The following CACNA1C variants were observed in gnomAD, a reference collection of about 807,000 sequenced individuals.
CACNA1C encodes calcium voltage-gated channel subunit alpha1 C.
In CACNA1C, 30 loss-of-function variants were observed where a neutral mutation model predicts 229.0. The observed-to-expected ratio is 0.13, with a 90% CI of 0.10 to 0.18. The LOEUF (loss-of-function observed/expected upper bound fraction) is 0.18, where lower values mean the gene tolerates loss of function less well. Among genes scored for constraint, CACNA1C ranks in the 10% least tolerant of loss-of-function variants. The pLI is 1.00. For missense variants in CACNA1C, 1,658 were observed against 2,845.0 expected, an observed-to-expected ratio of 0.58 and a Z score of 9.49; for synonymous variants, 1,114 against 1,132.5, an observed-to-expected ratio of 0.98 and a Z score of 0.33.
At position 2,605,171 on chromosome 12, in the gene CACNA1C, G is replaced by A. The variant is rs779548719; in HGVS notation, c.3048+3G>A. On this transcript the variant is annotated splice_donor_region_variant and intron_variant, in intron 23 of 46. Transcript: ENST00000399655. This position sits in a 1 kb window ranked among gnomAD's most constrained non-coding sequence, Gnocchi z 6.2. The stretch of plus-strand genomic sequence containing the variant: ...TCAACAGGGCCAAGGGGCTAAAGGT[G>A]AGTTGAGGGCTTGGGTAGGGAGTCT... 3.1e-6 allele frequency: 5 copies of A among 1,604,458 alleles called. No homozygotes were observed. The highest frequency in any genetic ancestry group is 1.7e-4 in the Middle Eastern group (1 of 6,048).
chr12:2,078,905 A>T (rs181872575), intron 1 of CACNA1C, among the ~76,000 whole-genome samples: 3 of 152,140 alleles, frequency 2.0e-5, no homozygotes, highest in Admixed American at 1.3e-4. Flanking sequence ...ATAGACTGGA[A>T]TAAGAAAATG....
chr12:2,487,520 A>G (rs951355270), intron 6 of CACNA1C, among the ~76,000 whole-genome samples: 2 of 150,674 alleles, frequency 1.3e-5, no homozygotes, highest in Admixed American at 6.6e-5. Context: ...CCTAAAAACA[A>G]AACAAAACAA....
intron 1 of CACNA1C, chr12:2,004,463 T>G (rs2042976766): frequency 6.3e-7 from 1 of 1,584,832 alleles, no homozygotes; most frequent in Admixed American, 1.7e-5. Context: ...GGCACGGGGC[T>G]CTTGGAAGCC....
In CACNA1C at chr12:1,981,198, T is replaced by C. The variant is rs147450551; in HGVS notation, c.139+9997T>C. On this transcript the variant is annotated intron_variant, in intron 1 of 46. Coordinates refer to the CACNA1C transcript ENST00000682462. Reference sequence around the variant, plus strand: ...TAACCTTGAGAAGCTGAGCGGCTCCTAGGTAAGCTGCTAAAATCACTCACT... The same window carrying C: ...TAACCTTGAGAAGCTGAGCGGCTCCCAGGTAAGCTGCTAAAATCACTCACT... Among the ~76,000 whole-genome samples, 279 of 152,268 alleles carry C rather than the reference T, an allele frequency of 1.8e-3. 4 individuals are homozygous for C. In the East Asian group the frequency reaches 0.043, roughly 24 times the overall value.
rs57075398 is a variant in CACNA1C at position 2,356,203 on chromosome 12, G to A, written c.478-92773G>A. Among the ~76,000 whole-genome samples, 1,386 of 152,328 alleles carry A rather than the reference G, an allele frequency of 9.1e-3. 23 individuals carry two copies. Among genetic ancestry groups the A allele is most frequent in the African/African-American group, 0.032 (1,334 of 41,562 alleles). On this transcript the variant is annotated intron_variant, in intron 3 of 46. Coordinates refer to ENST00000399655, the MANE Select transcript of CACNA1C (RefSeq NM_000719.7). ...CTCCGTGACCTAGACTGGGGACTTA[G>A]GGATGAGAGTGAAAATTGAAAATGC...
At position 2,637,961 on chromosome 12, in the gene CACNA1C, T is replaced by C. The variant is rs113232156; in HGVS notation, c.3912+3581T>C. 6.7e-3 allele frequency among the ~76,000 whole-genome samples: 1,026 copies of C among 152,298 alleles called. 15 individuals are homozygous for C. The highest frequency in any genetic ancestry group is 0.023 in the African/African-American group (941 of 41,558). On this transcript the variant is annotated intron_variant, in intron 30 of 46. Transcript: ENST00000399655. ...TAAACTCGTCTCACCTTTTCTCTTT[T>C]CCGGGCTATGGGGCCCTCCCTCTCA...
intron 34 of CACNA1C, 72 bp from the exon 35 acceptor site, chr12:2,664,753 G>A (rs2095980841): frequency 7.7e-7 from 1 of 1,300,556 alleles, no homozygotes; most frequent in South Asian, 1.5e-5. Context: ...GGACAGGTGG[G>A]GAGGGATGCA....
rs1338191809 is a variant in CACNA1C at position 2,679,858 on chromosome 12, G to A, written c.5444+62G>A. On this transcript the variant is annotated intron_variant, in intron 42 of 46. Transcript: ENST00000399655. The surrounding 1 kb of genome is among the most constrained non-coding windows in gnomAD (Gnocchi z 5.5). ...GGCCCACGTGCTGCAACCCTCAGGA[G>A]ACAGTGGAGGAGACGGAGGCCTCGG... 1 of 1,220,614 alleles carries A rather than the reference G, an allele frequency of 8.2e-7. No homozygotes were observed. Among genetic ancestry groups the A allele is most frequent in the Non-Finnish European group, 1.1e-6 (1 of 876,232 alleles). The allele number at this position is 1,220,614 out of a possible 1,614,324, so 75.6% of individuals were successfully genotyped here.
intron 3 of CACNA1C, among the ~76,000 whole-genome samples, chr12:2,329,055 A>C (rs975169677): frequency 6.6e-6 from 1 of 152,118 alleles, no homozygotes; most frequent in Non-Finnish European, 1.5e-5. Context: ...TTTGCTGTGG[A>C]TGCCTCCTGG....
At chr12:2,213,944 C>G (rs929638076) in intron 3 of CACNA1C, among the ~76,000 whole-genome samples, 1 of 151,134 alleles carries the variant, frequency 6.6e-6, no homozygotes, top group Non-Finnish European at 1.5e-5. Flanking sequence ...AGCACCTTCT[C>G]TGCAGTTGAT....
intron 5 of CACNA1C, among the ~76,000 whole-genome samples, chr12:2,469,712 C>T (rs1464566438): frequency 1.1e-4 from 17 of 152,216 alleles, no homozygotes; most frequent in Admixed American, 7.2e-4. Context: ...ATAATGCCTT[C>T]TTCAGGCTGT....
intron 5 of CACNA1C, among the ~76,000 whole-genome samples, chr12:2,469,682 T>C (rs890056225): frequency 6.6e-6 from 1 of 152,260 alleles, no homozygotes; most frequent in African/African-American, 2.4e-5. Context: ...ATCAACTGCA[T>C]TGAGGAGACA....
At chr12:2,427,871 C>T (rs563045406) in intron 3 of CACNA1C, among the ~76,000 whole-genome samples, 4 of 152,228 alleles carry the variant, frequency 2.6e-5, no homozygotes, top group Admixed American at 1.3e-4. Context: ...CTGCCCATCT[C>T]GGCCTCCCAA....
At chr12:2,198,215 C>T (rs1162755595) in intron 3 of CACNA1C, among the ~76,000 whole-genome samples, 2 of 152,184 alleles carry the variant, frequency 1.3e-5, no homozygotes, top group Admixed American at 1.3e-4. Flanking sequence ...GTGCCTTCGT[C>T]CTTTAAGACA....
intron 3 of CACNA1C, among the ~76,000 whole-genome samples, chr12:2,373,502 C>T (rs2097925968): frequency 6.6e-6 from 1 of 152,088 alleles, no homozygotes; most frequent in Non-Finnish European, 1.5e-5. Flanking sequence ...CTGGGACAAG[C>T]TAGAGAGAGG....
intron 1 of CACNA1C, among the ~76,000 whole-genome samples, chr12:1,977,206 C>T (rs1443352022): frequency 1.3e-5 from 2 of 152,140 alleles, no homozygotes; most frequent in Non-Finnish European, 2.9e-5. Flanking sequence ...GCTTTTATTC[C>T]TCCATGTAGC....
chr12:2,373,704 A>G (rs2097934241), intron 3 of CACNA1C, among the ~76,000 whole-genome samples: 1 of 152,196 alleles, frequency 6.6e-6, no homozygotes, highest in Admixed American at 6.5e-5. Flanking sequence ...TTATATTCGT[A>G]TTTATGAGTT....
chr12:2,438,287 A>ATGTTGG (rs1169158314), intron 3 of CACNA1C, among the ~76,000 whole-genome samples: 1 of 22,568 alleles, frequency 4.4e-5, no homozygotes. Context: ...GATAGTGGTA[A>ATGTTGG]TGATGGTGGT....
At chr12:2,221,403 T>A (rs570845111) in intron 3 of CACNA1C, among the ~76,000 whole-genome samples, 1 of 151,288 alleles carries the variant, frequency 6.6e-6, no homozygotes, top group African/African-American at 2.4e-5. Flanking sequence ...GCAGTGGAGG[T>A]GAGATGAATG....
Sources: allele counts gnomAD v4.1 joint callset (sites outside exome capture counted in the v4.1 genomes callset), GRCh38; gene constraint gnomAD v4.1.1; non-coding constraint Gnocchi (gnomAD v3.1); transcripts MANE v1.5; gene names NCBI Gene and HGNC (gene_info 2026-07-23, HGNC 2026-07-21).